The following SLC2A9 variants were observed in gnomAD, a reference collection of about 807,000 sequenced individuals.
SLC2A9 encodes solute carrier family 2, facilitated glucose transporter member 9.
A neutral mutation model predicts 50.6 loss-of-function variants in SLC2A9; 39 were observed. The observed-to-expected ratio is 0.77, with a 90% CI of 0.60 to 1.01. The LOEUF is 1.01. Ranked by LOEUF, SLC2A9 falls within the 50% of genes least tolerant of loss-of-function variation. The pLI, the probability that SLC2A9 is intolerant of heterozygous loss-of-function variation, is 0.00. For missense variants in SLC2A9, 686 were observed against 677.6 expected, an observed-to-expected ratio of 1.01 and a Z score of -0.14; for synonymous variants, 324 against 276.9, an observed-to-expected ratio of 1.17 and a Z score of -1.69.
In SLC2A9 at chr4:9,834,927, T is replaced by C. The variant is rs773837458; in HGVS notation, c.1373A>G (p.Asn458Ser). 5 of 1,614,056 alleles carry C rather than the reference T, an allele frequency of 3.1e-6. No individual in the cohort carries two copies. The highest frequency in any genetic ancestry group is 2.2e-5 in the East Asian group (1 of 44,890). The stretch of plus-strand genomic sequence containing the variant: ...CCCAACAGCAAAGTTGGAGAGCCAG[T>C]TGACGGTGCCTGCAATGATGAAGGC... ...PAAFIIAGTVNWLSNFAVGLL... is the reference protein window; with the variant it reads ...PAAFIIAGTVSWLSNFAVGLL... Residue 458 changes from asparagine (N) to serine (S), a missense_variant, in exon 11 of 12, where the codon AAC becomes AGC. Transcript: ENST00000264784.
At chr4:10,039,569 C>G (rs574160754) in intron 1 of SLC2A9, among the ~76,000 whole-genome samples, 4 of 152,208 alleles carry the variant, frequency 2.6e-5, no homozygotes. Flanking sequence ...TCATCCTCCT[C>G]GCTGCCTTCC....
At chr4:9,779,045 C>T (rs1397629166), downstream of SLC2A9, among the ~76,000 whole-genome samples, 1 of 152,152 alleles carries the variant, frequency 6.6e-6, no homozygotes, top group African/African-American at 2.4e-5. Context: ...GGATTACAGG[C>T]ATGAGCCACC....
chr4:9,835,000 G>A lies in SLC2A9; in HGVS notation c.1300C>T (p.Pro434Ser). Residue 434 changes from proline to serine, a missense_variant, in exon 11 of 12, where the codon CCG becomes TCG. By Grantham distance (74) the Pro-to-Ser change is moderately conservative (BLOSUM62 -1). Coordinates refer to ENST00000264784, the MANE Select transcript of SLC2A9 (RefSeq NM_020041.3). ...AAGAACTCACCAGTCAAGATGAACG[G>A]GATGCCACCTGCAGTGTGTGAGCCA... The part of the protein sequence containing the change: ...ASFCSGPGGI[P>S]FILTGEFFQQ... 2 of 1,613,392 alleles carry A rather than the reference G, an allele frequency of 1.2e-6. No homozygotes were observed. The highest frequency in any genetic ancestry group is 1.7e-6 in the Non-Finnish European group (2 of 1,179,952).
At chr4:9,970,425 G>C (rs1262292598) in intron 5 of SLC2A9, among the ~76,000 whole-genome samples, 1 of 152,058 alleles carries the variant, frequency 6.6e-6, no homozygotes, top group Non-Finnish European at 1.5e-5. Flanking sequence ...GGCAAGTGGG[G>C]GTACTGTAGT....
intron 7 of SLC2A9, among the ~76,000 whole-genome samples, chr4:9,912,507 C>G (rs1742039959): frequency 6.6e-6 from 1 of 152,136 alleles, no homozygotes; most frequent in Non-Finnish European, 1.5e-5. Context: ...TAACTCACGT[C>G]ATAGTGTTTT....
chr4:9,812,953 T>C (rs1723076945), intron 3 of SLC2A9, among the ~76,000 whole-genome samples: 1 of 152,202 alleles, frequency 6.6e-6, no homozygotes. Flanking sequence ...TAGTGTAAAT[T>C]ATAGCAAATA....
chr4:9,985,679 G>T lies in SLC2A9; in HGVS notation c.525C>A (p.Gly175=), dbSNP rs145678070. The change falls in exon 4 of 12, where the codon GGC becomes GGA. Residue 175 remains glycine (G), a synonymous_variant. Coordinates refer to ENST00000264784, the MANE Select transcript of SLC2A9 (RefSeq NM_020041.3). ...ATGGTGAACTCTCACCTCCATCTAT[G>T]CCCATGATGAAGCGTCCCACGATGA... ...EMLIVGRFIM[G]IDGGVALSVL... 1 of 1,613,994 alleles carries T rather than the reference G, an allele frequency of 6.2e-7. No individual in the cohort carries two copies. The highest frequency in any genetic ancestry group is 2.2e-5 in the East Asian group (1 of 44,882).
chr4:9,875,024 G>A (rs1351277533), intron 10 of SLC2A9, among the ~76,000 whole-genome samples: 1 of 144,738 alleles, frequency 6.9e-6, no homozygotes, highest in African/African-American at 2.6e-5. Context: ...TGTGTCTTTA[G>A]AAATGGCCAT....
chr4:9,858,316 G>A (rs1731064529), intron 10 of SLC2A9, among the ~76,000 whole-genome samples: 1 of 152,188 alleles, frequency 6.6e-6, no homozygotes, highest in South Asian at 2.1e-4. Context: ...TTGATGCTGT[G>A]AACGCATTTC....
At chr4:9,920,950 G>A (rs1743833514) in intron 6 of SLC2A9, among the ~76,000 whole-genome samples, 1 of 152,164 alleles carries the variant, frequency 6.6e-6, no homozygotes, top group Non-Finnish European at 1.5e-5. Context: ...ATAATTGCAT[G>A]ATATCATATA....
At chr4:9,944,725 A>G (rs1425072874) in intron 5 of SLC2A9, among the ~76,000 whole-genome samples, 1 of 152,236 alleles carries the variant, frequency 6.6e-6, no homozygotes, top group Non-Finnish European at 1.5e-5. Flanking sequence ...GAGCTTAGCC[A>G]GCAGAAGAGT....
At chr4:9,800,666 G>T (rs937023325) in intron 3 of SLC2A9, among the ~76,000 whole-genome samples, 4 of 152,080 alleles carry the variant, frequency 2.6e-5, no homozygotes, top group Non-Finnish European at 5.9e-5. Flanking sequence ...AATTATTCAG[G>T]AAAAGGAACA....
chr4:9,819,882 C>T (rs537854502), intron 3 of SLC2A9, among the ~76,000 whole-genome samples: 6 of 152,142 alleles, frequency 3.9e-5, no homozygotes, highest in Admixed American at 3.3e-4. Flanking sequence ...TGTGGTGAGC[C>T]GAGATCACAC....
At chr4:9,878,972 C>T (rs926656029) in intron 10 of SLC2A9, 1 of 917,430 alleles carries the variant, frequency 1.1e-6, no homozygotes, top group African/African-American at 1.8e-5. Flanking sequence ...TGGTAGAAAA[C>T]ACCACACACC....
intron 1 of SLC2A9, 138 bp from the exon 2 acceptor site, chr4:10,019,211 G>T: frequency 1.4e-6 from 1 of 721,552 alleles, no homozygotes. Flanking sequence ...GAGACAGAGA[G>T]AAGAGACGCA....
intron 2 of SLC2A9, among the ~76,000 whole-genome samples, chr4:9,997,498 G>C (rs372700446): frequency 3.3e-5 from 5 of 152,178 alleles, no homozygotes; most frequent in Non-Finnish European, 7.3e-5. Flanking sequence ...CCAGGAGTTC[G>C]AGATCAGTCT....
At chr4:9,772,821 T>A (rs1176391426) in intron 1 of SLC2A9, among the ~76,000 whole-genome samples, 3 of 61,980 alleles carry the variant, frequency 4.8e-5, no homozygotes, top group African/African-American at 9.4e-5. Flanking sequence ...TTATTTTTTT[T>A]TTTATTTTTT....
intron 10 of SLC2A9, among the ~76,000 whole-genome samples, chr4:9,873,739 G>A (rs534351480): frequency 3.3e-5 from 5 of 152,288 alleles, no homozygotes; most frequent in Admixed American, 2.0e-4. Context: ...AAGAAGCCTG[G>A]GCCAGAAGAG....
intron 8 of SLC2A9, among the ~76,000 whole-genome samples, chr4:9,896,082 C>T (rs1408170646): frequency 2.0e-5 from 3 of 152,198 alleles, no homozygotes; most frequent in African/African-American, 7.2e-5. Context: ...ATTATTGAGT[C>T]TTCATGTAGA....
Sources: gnomAD v4.1 joint callset for allele counts (sites outside exome capture counted in the v4.1 genomes callset) on GRCh38, gnomAD v4.1.1 for gene constraint, MANE v1.5 for transcripts, NCBI Gene and HGNC (gene_info 2026-07-23, HGNC 2026-07-21) for gene names.